The following TEAD1 variants were observed in gnomAD, a reference collection of about 807,000 sequenced individuals.
The protein encoded by TEAD1 is TEA domain transcription factor 1, also known as transcriptional enhancer factor TEF-1.
Under a neutral mutation model 54.9 loss-of-function variants are expected in TEAD1, and 9 were observed. The observed-to-expected ratio is 0.16, with a 90% CI of 0.10 to 0.29. The LOEUF is 0.29. Among genes scored for constraint, TEAD1 ranks in the 10% least tolerant of loss-of-function variants. The pLI is 1.00. For missense variants in TEAD1, 387 were observed against 535.9 expected (o/e 0.72, Z 2.74); for synonymous variants, 200 against 187.8 (o/e 1.07, Z -0.53).
chr11:12,781,951 C>CAA (rs71454001), intron 3 of TEAD1, among the ~76,000 whole-genome samples: 1,189 of 65,362 alleles, frequency 0.018, 55 homozygotes, highest in South Asian at 0.13. Context: ...CTCGTCTGTA[C>CAA]AAAAAAAAAA....
intron 3 of TEAD1, among the ~76,000 whole-genome samples, chr11:12,829,251 C>T (rs181021766): frequency 1.3e-5 from 2 of 152,124 alleles, no homozygotes; most frequent in Non-Finnish European, 1.5e-5. Context: ...CAGAGCTTTC[C>T]GTGGTGGCTG....
At chr11:12,876,632 G>A (rs1232442104) in intron 5 of TEAD1, among the ~76,000 whole-genome samples, 1 of 152,214 alleles carries the variant, frequency 6.6e-6, no homozygotes, top group African/African-American at 2.4e-5. Flanking sequence ...GGGCCCCAGA[G>A]AAGTTGTAAG....
At chr11:12,679,421 G>A (rs566617493) in intron 2 of TEAD1, among the ~76,000 whole-genome samples, 1 of 152,272 alleles carries the variant, frequency 6.6e-6, no homozygotes, top group African/African-American at 2.4e-5. Flanking sequence ...TTAAGCATCC[G>A]TCATCTCTAA....
chr11:12,943,482 G>C lies in TEAD1; in HGVS notation c.*6260G>C, dbSNP rs1949178933. On this transcript the variant is annotated 3_prime_UTR_variant, in exon 13 of 13. Transcript: ENST00000527636. ...CACCATTAAATAAGATGAAATATTT[G>C]TATTTATTGTCCTACTTCCTAAGCC... 6.6e-6 allele frequency: 1 copy of C among 152,566 alleles called. No homozygotes were observed. Among genetic ancestry groups the C allele is most frequent in the South Asian group, 2.1e-4 (1 of 4,830 alleles). 9.5% of individuals were successfully genotyped at this position (152,566 alleles called of 1,614,324 possible).
chr11:12,833,418 C>G (rs1440228792), intron 3 of TEAD1, among the ~76,000 whole-genome samples: 2 of 152,100 alleles, frequency 1.3e-5, no homozygotes, highest in African/African-American at 4.8e-5. Flanking sequence ...CAACATGAAT[C>G]TAATATATGC....
chr11:12,755,739 G>A lies in TEAD1; in HGVS notation c.-54-8440G>A, dbSNP rs374164075. On this transcript the variant is annotated intron_variant, in intron 2 of 12. Coordinates refer to ENST00000527636, the MANE Select transcript of TEAD1 (RefSeq NM_021961.6). ...CTACGAGTCATGTCCTCTGGTTCAC[G>A]CTCACTTTGGGCATGCACTGTCTTG... 2.6e-5 allele frequency among the ~76,000 whole-genome samples: 4 copies of A among 152,278 alleles called. No homozygotes were observed. The East Asian group carries it at 5.8e-4, about 22-fold the overall frequency.
intron 3 of TEAD1, among the ~76,000 whole-genome samples, chr11:12,797,904 T>C (rs561269459): frequency 6.6e-6 from 1 of 152,298 alleles, no homozygotes; most frequent in South Asian, 2.1e-4. Flanking sequence ...TCTTCCATTC[T>C]CCTTTGGGAC....
At chr11:12,732,560 A>C (rs568085468) in intron 2 of TEAD1, among the ~76,000 whole-genome samples, 2 of 152,188 alleles carry the variant, frequency 1.3e-5, no homozygotes, top group Non-Finnish European at 2.9e-5. Context: ...TGGCCAGACC[A>C]TGGGTAATGG....
At chr11:12,712,511 A>G (rs1402852350) in intron 2 of TEAD1, among the ~76,000 whole-genome samples, 1 of 152,210 alleles carries the variant, frequency 6.6e-6, no homozygotes, top group Non-Finnish European at 1.5e-5. Context: ...AGTTGGTAAA[A>G]TGGAAATGAT....
chr11:12,885,438 C>G (rs536898016), intron 9 of TEAD1, among the ~76,000 whole-genome samples: 1 of 151,922 alleles, frequency 6.6e-6, no homozygotes, highest in Non-Finnish European at 1.5e-5. Context: ...GGGGTTTCAC[C>G]GTGTTAGCCA....
At chr11:12,727,818 A>G (rs990709510) in intron 2 of TEAD1, among the ~76,000 whole-genome samples, 4 of 152,010 alleles carry the variant, frequency 2.6e-5, no homozygotes, top group African/African-American at 7.2e-5. Flanking sequence ...CTTACATGCA[A>G]GTTTGTATCC....
At chr11:12,869,321 A>G (rs1002470834) in intron 5 of TEAD1, among the ~76,000 whole-genome samples, 1 of 152,088 alleles carries the variant, frequency 6.6e-6, no homozygotes, top group South Asian at 2.1e-4. Flanking sequence ...CCAGGGGCCA[A>G]CCCACACCCC....
chr11:12,828,617 T>G (rs1324496596), intron 3 of TEAD1, among the ~76,000 whole-genome samples: 3 of 151,706 alleles, frequency 2.0e-5, no homozygotes, highest in Non-Finnish European at 2.9e-5. Context: ...TTCACAAAAC[T>G]GAAGTCAGGC....
intron 10 of TEAD1, among the ~76,000 whole-genome samples, chr11:12,908,693 A>G (rs1948561481): frequency 6.6e-6 from 1 of 152,214 alleles, no homozygotes; most frequent in Non-Finnish European, 1.5e-5. Flanking sequence ...TATTATGATT[A>G]TGAAGGTATA....
intron 3 of TEAD1, among the ~76,000 whole-genome samples, chr11:12,848,397 C>T (rs1018098054): frequency 3.9e-5 from 6 of 152,168 alleles, no homozygotes; most frequent in Admixed American, 6.5e-5. Context: ...GATGTGTGTA[C>T]AATTCAGTCC....
intron 3 of TEAD1, among the ~76,000 whole-genome samples, chr11:12,819,477 T>G (rs1167579754): frequency 6.6e-6 from 1 of 152,058 alleles, no homozygotes; most frequent in Non-Finnish European, 1.5e-5. Flanking sequence ...TGAGATGGAG[T>G]CTCGCTCTGT....
At chr11:12,718,092 A>G (rs974676969) in intron 2 of TEAD1, among the ~76,000 whole-genome samples, 41 of 152,188 alleles carry the variant, frequency 2.7e-4, no homozygotes, top group Non-Finnish European at 5.3e-4. Context: ...TCTGAGGGTA[A>G]GCACAGCTCT....
At chr11:12,713,170 C>T (rs925176636) in intron 2 of TEAD1, among the ~76,000 whole-genome samples, 5 of 152,170 alleles carry the variant, frequency 3.3e-5, no homozygotes, top group Admixed American at 2.6e-4. Flanking sequence ...CAGGCATGTG[C>T]AACCATGCCT....
intron 2 of TEAD1, among the ~76,000 whole-genome samples, chr11:12,728,335 A>G (rs60908340): frequency 0.056 from 8,531 of 152,192 alleles, 768 homozygotes; most frequent in African/African-American, 0.19. Context: ...CCGTGGCAAC[A>G]TTCGATATTA....
Sources: gnomAD v4.1 joint callset for allele counts (sites outside exome capture counted in the v4.1 genomes callset) on GRCh38, gnomAD v4.1.1 for gene constraint, MANE v1.5 for transcripts, NCBI Gene and HGNC (gene_info 2026-07-23, HGNC 2026-07-21) for gene names.